The following CRYBG1 variants were observed in gnomAD, a reference collection of about 807,000 sequenced individuals.
CRYBG1 encodes beta/gamma crystallin domain-containing protein 1.
Under a neutral mutation model 189.2 loss-of-function variants are expected in CRYBG1, and 139 were observed. That is an observed-to-expected ratio of 0.73 (90% CI 0.64 to 0.85). The LOEUF is 0.85. Ranked by LOEUF, CRYBG1 falls within the 40% of genes least tolerant of loss-of-function variation. The probability of loss-of-function intolerance (pLI) is 0.00; values close to 1 mark genes in which losing one functional copy is unlikely to be tolerated. For missense variants in CRYBG1, 2,611 were observed against 2,675.8 expected (o/e 0.98, Z 0.53); for synonymous variants, 1,023 against 1,017.1 (o/e 1.01, Z -0.11).
chr6:106,459,456 C>T (rs575272933), intron 2 of CRYBG1, among the ~76,000 whole-genome samples: 1 of 151,880 alleles, frequency 6.6e-6, no homozygotes, highest in Admixed American at 6.6e-5. Flanking sequence ...ATTCTTTCCT[C>T]ACCCTGAGAG....
chr6:106,512,038 A>G lies in CRYBG1; in HGVS notation c.921A>G (p.Gly307=). ...CGCCCACCCAGGAGCGGCCCGCGGGAGGACTAGGCGAGGCCCCTAACGGAG... is the reference window on the plus strand; with the variant it reads ...CGCCCACCCAGGAGCGGCCCGCGGGGGGACTAGGCGAGGCCCCTAACGGAG... ...PGSPTQERPA[G]GLGEAPNGAP... is the part of the protein sequence containing the mutation. Residue 307 remains glycine, a synonymous_variant, in exon 3 of 22, where the codon GGA becomes GGG. Coordinates refer to ENST00000633556, the MANE Select transcript of CRYBG1 (RefSeq NM_001371242.2). The G allele has an allele frequency of 6.5e-7, 1 of 1,530,404 alleles. No individual in the cohort carries two copies. The highest frequency in any genetic ancestry group is 1.2e-5 in the South Asian group (1 of 83,480). The allele number at this position is 1,530,404 out of a possible 1,614,324, so 94.8% of individuals were successfully genotyped here. A position where few individuals can be genotyped will look rare whatever the true frequency, so the allele number is the denominator to read the frequency against.
rs112215757 is a variant in CRYBG1 at position 106,494,463 on chromosome 6, T to G, written c.313-16967T>G. 9.9e-4 allele frequency among the ~76,000 whole-genome samples: 151 copies of G among 152,270 alleles called. 1 individual carries two copies. Among genetic ancestry groups the G allele is most frequent in the African/African-American group, 3.6e-3 (149 of 41,530 alleles). On this transcript the variant is annotated intron_variant, in intron 2 of 21. Transcript: ENST00000633556. ...ATTCACCATCAACAATACGCTGACATGAGCCAGCAGATGCTTAATATATGT... is the reference window on the plus strand; with the variant it reads ...ATTCACCATCAACAATACGCTGACAGGAGCCAGCAGATGCTTAATATATGT...
chr6:106,530,039 A>G (rs1435089917), intron 7 of CRYBG1, 137 bp from the exon 8 acceptor site: 4 of 743,982 alleles, frequency 5.4e-6, no homozygotes, highest in Non-Finnish European at 8.0e-6. Context: ...AAAGGGCTAA[A>G]ATGGCAGGTG....
chr6:106,414,582 A>C (rs1385978189), intron 1 of CRYBG1, among the ~76,000 whole-genome samples: 1 of 152,218 alleles, frequency 6.6e-6, no homozygotes, highest in Non-Finnish European at 1.5e-5. Context: ...GGGAGTGGTC[A>C]TTTTTTGTCT....
chr6:106,508,905 G>A (rs1773184423), intron 2 of CRYBG1, among the ~76,000 whole-genome samples: 1 of 121,000 alleles, frequency 8.3e-6, no homozygotes, highest in Admixed American at 9.2e-5. Flanking sequence ...TTTGTAAAAA[G>A]CATCTAATAG....
intron 8 of CRYBG1, among the ~76,000 whole-genome samples, chr6:106,532,923 T>C (rs897076213): frequency 2.6e-5 from 4 of 152,208 alleles, no homozygotes; most frequent in African/African-American, 4.8e-5. Flanking sequence ...GTATTAAATA[T>C]ATTCAGTAAA....
intron 2 of CRYBG1, among the ~76,000 whole-genome samples, chr6:106,508,986 C>A (rs925387055): frequency 1.4e-3 from 40 of 27,612 alleles, no homozygotes; most frequent in Non-Finnish European, 3.7e-3. Flanking sequence ...GCTGATCAAG[C>A]GTCTGCTGCA....
chr6:106,471,673 T>G (rs77755471), intron 2 of CRYBG1, among the ~76,000 whole-genome samples: 70 of 152,092 alleles, frequency 4.6e-4, no homozygotes, highest in African/African-American at 1.4e-3. Flanking sequence ...ACAGGTGGAG[T>G]GTGGGTCATC....
In CRYBG1 at chr6:106,528,193, A is replaced by G. The variant is rs560807002; in HGVS notation, c.4578+723A>G. 1.5e-4 allele frequency among the ~76,000 whole-genome samples: 23 copies of G among 152,362 alleles called. No homozygotes were observed. In the South Asian group the frequency reaches 4.8e-3, roughly 32 times the overall value. On this transcript the variant is annotated intron_variant, in intron 7 of 21. Coordinates refer to ENST00000633556, the MANE Select transcript of CRYBG1 (RefSeq NM_001371242.2). Reference sequence around the variant, plus strand: ...GTTTTGGCAGAGGAAAGCATCGCTTACTTCCTGAGTCAACATTTCTGAGTA... The same window carrying G: ...GTTTTGGCAGAGGAAAGCATCGCTTGCTTCCTGAGTCAACATTTCTGAGTA...
intron 1 of CRYBG1, among the ~76,000 whole-genome samples, chr6:106,368,327 T>C (rs1769941561): frequency 6.6e-6 from 1 of 151,732 alleles, no homozygotes; most frequent in African/African-American, 2.4e-5. Flanking sequence ...AGCTAAGGGG[T>C]CAGTTATGTT....
At chr6:106,515,940 C>T (rs978401414) in intron 3 of CRYBG1, among the ~76,000 whole-genome samples, 3 of 151,544 alleles carry the variant, frequency 2.0e-5, no homozygotes, top group African/African-American at 7.3e-5. Context: ...ACTACAGGCG[C>T]ACCACCATGT....
chr6:106,571,176 C>A lies in CRYBG1; in HGVS notation c.*2610C>A, dbSNP rs1464918828. 6.6e-6 allele frequency: 1 copy of A among 152,154 alleles called. No individual in the cohort carries two copies. The highest frequency in any genetic ancestry group is 6.5e-5 in the Admixed American group (1 of 15,278). The allele number at this position is 152,154 out of a possible 1,614,324, so 9.4% of individuals were successfully genotyped here. On this transcript the variant is annotated 3_prime_UTR_variant, in exon 22 of 22. Transcript: ENST00000633556. ...TAAAAAGTTAGAAACTCTGCTCTCA[C>A]CTTTCAATATTAAGAGCATAAACAA...
At position 106,525,309 on chromosome 6, in the gene CRYBG1, T is replaced by G; in HGVS notation, c.4335T>G (p.Ile1445Met). 5.0e-6 allele frequency: 8 copies of G among 1,614,176 alleles called. No homozygotes were observed. The highest frequency in any genetic ancestry group is 6.8e-6 in the Non-Finnish European group (8 of 1,180,010). The part of the protein sequence containing the change: ...YSEPDVSEKC[I>M]EVFSDIQDCS... Reference sequence around the variant, plus strand: ...AACCCGACGTCTCTGAGAAGTGCATTGAAGTTTTCAGTGACATTCAGGATT... The same window carrying G: ...AACCCGACGTCTCTGAGAAGTGCATGGAAGTTTTCAGTGACATTCAGGATT... The change falls in exon 6 of 22, where the codon ATT becomes ATG. Residue 1445 changes from isoleucine to methionine, a missense_variant. By Grantham distance (10) the Ile-to-Met change is conservative. Around this residue, in one of 3 missense-constraint regions of CRYBG1, gnomAD observed 1,622 missense variants for 1,735.0 expected, o/e 0.93. Coordinates refer to ENST00000633556, the MANE Select transcript of CRYBG1 (RefSeq NM_001371242.2).
At chr6:106,426,984 T>C (rs537909076) in intron 1 of CRYBG1, among the ~76,000 whole-genome samples, 40 of 152,336 alleles carry the variant, frequency 2.6e-4, no homozygotes, top group African/African-American at 6.7e-4. Flanking sequence ...TCCTTTTTTT[T>C]CTCTGGTGTC....
Position 106,512,722 on chromosome 6 carries a change from T to C in CRYBG1, c.1605T>C (p.Ala535=), listed in dbSNP as rs530825294. The change falls in exon 3 of 22, where the codon GCT becomes GCC. Residue 535 remains alanine (A), a synonymous_variant. Transcript: ENST00000633556. The part of the protein sequence containing the change: ...VPAPPASGPR[A]PAKESPPKRV... Reference sequence around the variant, plus strand: ...CCCCGCCCGCCAGCGGCCCCCGGGCTCCCGCCAAGGAGTCCCCACCCAAGA... The same window carrying C: ...CCCCGCCCGCCAGCGGCCCCCGGGCCCCCGCCAAGGAGTCCCCACCCAAGA... The C allele has an allele frequency of 3.2e-6, 5 of 1,556,696 alleles. No individual in the cohort carries two copies. The South Asian group carries it at 4.7e-5, about 15-fold the overall frequency.
chr6:106,432,471 G>A (rs1258943061), intron 1 of CRYBG1, among the ~76,000 whole-genome samples: 1 of 152,080 alleles, frequency 6.6e-6, no homozygotes, highest in African/African-American at 2.4e-5. Context: ...TGTCCTACAA[G>A]CTGTGGTAGG....
At chr6:106,384,950 C>T (rs73763929) in intron 1 of CRYBG1, among the ~76,000 whole-genome samples, 14,469 of 142,054 alleles carry the variant, frequency 0.1, 847 homozygotes, top group East Asian at 0.14. Context: ...AATGTTCACT[C>T]ATCACTCCCA....
At chr6:106,433,803 A>G (rs1771398446) in intron 1 of CRYBG1, among the ~76,000 whole-genome samples, 1 of 145,920 alleles carries the variant, frequency 6.9e-6, no homozygotes, top group African/African-American at 2.5e-5. Flanking sequence ...ACACACATAC[A>G]TATACATACA....
At chr6:106,411,264 A>T (rs1770923689) in intron 1 of CRYBG1, among the ~76,000 whole-genome samples, 1 of 152,188 alleles carries the variant, frequency 6.6e-6, no homozygotes, top group Non-Finnish European at 1.5e-5. Context: ...ATAAAATGTT[A>T]GACTAATATT....
Sources: gnomAD v4.1 joint callset for allele counts (sites outside exome capture counted in the v4.1 genomes callset) on GRCh38, gnomAD v4.1.1 for gene constraint, gnomAD v4.1.1 regional missense constraint, MANE v1.5 for transcripts, NCBI Gene and HGNC (gene_info 2026-07-23, HGNC 2026-07-21) for gene names.